IDO1: variants seen among roughly 807,000 people sequenced by gnomAD.
IDO1 encodes the protein indolamine 2,3 dioxygenase.
A neutral mutation model predicts 38.8 loss-of-function variants in IDO1; 35 were observed. That is an observed-to-expected ratio of 0.90 (90% CI 0.69 to 1.20). The LOEUF (loss-of-function observed/expected upper bound fraction) is 1.20, where lower values mean the gene tolerates loss of function less well. Ranked by LOEUF, IDO1 falls within the 50% of genes most tolerant of loss-of-function variation. The probability of loss-of-function intolerance (pLI) is 0.00; values close to 1 mark genes in which losing one functional copy is unlikely to be tolerated. For missense variants in IDO1, 509 were observed against 485.1 expected, an observed-to-expected ratio of 1.05 and a Z score of -0.46; for synonymous variants, 171 against 170.0, an observed-to-expected ratio of 1.01 and a Z score of -0.05.
At position 39,928,221 on chromosome 8, in the gene IDO1, G is replaced by C; in HGVS notation, c.*36G>C. ...CAAGAGCACATTTTATCATAGCAGA[G>C]ACATCTGTATGCATTCCTGTCATTA... On this transcript the variant is annotated 3_prime_UTR_variant, in exon 10 of 10. Coordinates refer to ENST00000518237, the MANE Select transcript of IDO1 (RefSeq NM_002164.6). 6.9e-7 allele frequency: 1 copy of C among 1,450,572 alleles called. No individual in the cohort carries two copies. Among genetic ancestry groups the C allele is most frequent in the Non-Finnish European group, 9.5e-7 (1 of 1,055,538 alleles). The allele number at this position is 1,450,572 out of a possible 1,614,324, so 89.9% of individuals were successfully genotyped here. A position where few individuals can be genotyped will look rare whatever the true frequency, so the allele number is the denominator to read the frequency against.
rs1563415292 is a variant in IDO1 at position 39,919,070 on chromosome 8, G to C, written c.422+137G>C. On this transcript the variant is annotated intron_variant, in intron 4 of 9. Transcript: ENST00000518237. Reference sequence around the variant, plus strand: ...ATGGTTCCTCTCAGTTCCTCGGCTGGGTACGGTTTCTTGGACTGCTGTGTC... The same window carrying C: ...ATGGTTCCTCTCAGTTCCTCGGCTGCGTACGGTTTCTTGGACTGCTGTGTC... 1.2e-5 allele frequency: 9 copies of C among 759,956 alleles called. No individual in the cohort carries two copies. The East Asian group carries it at 2.2e-4, about 19-fold the overall frequency. 47.1% of individuals were successfully genotyped at this position (759,956 alleles called of 1,614,324 possible). A position where few individuals can be genotyped will look rare whatever the true frequency, so the allele number is the denominator to read the frequency against.
intron 1 of IDO1, among the ~76,000 whole-genome samples, chr8:39,915,294 G>A (rs540364717): frequency 1.3e-5 from 2 of 152,240 alleles, no homozygotes; most frequent in South Asian, 2.1e-4. Flanking sequence ...CAAGGTACAT[G>A]GGATTCCAGG....
At chr8:39,922,508 T>C in intron 5 of IDO1, 44 bp from the exon 6 acceptor site, 1 of 1,230,918 alleles carries the variant, frequency 8.1e-7, no homozygotes, top group Middle Eastern at 1.9e-4. Flanking sequence ...AAATATCCCA[T>C]AATTTTTGCT....
At position 39,922,658 on chromosome 8, in the gene IDO1, C is replaced by T; in HGVS notation, c.537+7C>T. 6.4e-7 allele frequency: 1 copy of T among 1,574,666 alleles called. No individual in the cohort carries two copies. Among genetic ancestry groups the T allele is most frequent in the South Asian group, 1.1e-5 (1 of 90,316 alleles). ...AGCTGCTTCTGCAATCAAAGTACGT[C>T]TATCCTCACTTCAAAATTTATATGT... On this transcript the variant is annotated splice_region_variant and intron_variant, in intron 6 of 9. Transcript: ENST00000518237.
chr8:39,922,404 A>C (rs1807287572), intron 5 of IDO1, 148 bp from the exon 6 acceptor site: 2 of 632,240 alleles, frequency 3.2e-6, no homozygotes, highest in Non-Finnish European at 5.6e-6. Flanking sequence ...AGGAGTCTTA[A>C]TATTCCCAAC....
intron 9 of IDO1, 94 bp from the exon 10 acceptor site, chr8:39,927,736 T>C (rs1456875883): frequency 3.0e-6 from 2 of 671,682 alleles, no homozygotes; most frequent in African/African-American, 3.6e-5. Flanking sequence ...GCTATATTGG[T>C]GATCTCCTGC....
At chr8:39,920,149 A>G in intron 5 of IDO1, 35 bp downstream of exon 5, 1 of 1,561,060 alleles carries the variant, frequency 6.4e-7, no homozygotes, top group Non-Finnish European at 8.8e-7. Context: ...TCTAAGAATT[A>G]TTTGTTACTT....
At chr8:39,921,688 A>G (rs1807273746) in intron 5 of IDO1, among the ~76,000 whole-genome samples, 1 of 152,186 alleles carries the variant, frequency 6.6e-6, no homozygotes, top group Non-Finnish European at 1.5e-5. Flanking sequence ...GAATTTAACC[A>G]CCACAAAACT....
chr8:39,918,325 A>T, intron 3 of IDO1, 118 bp downstream of exon 3: 1 of 934,318 alleles, frequency 1.1e-6, no homozygotes, highest in Non-Finnish European at 1.6e-6. Flanking sequence ...TTTAGATAAC[A>T]CGACAAAATG....
At chr8:39,925,195 T>C in intron 8 of IDO1, 28 bp from the exon 9 acceptor site, 1 of 1,553,312 alleles carries the variant, frequency 6.4e-7, no homozygotes, top group African/African-American at 1.4e-5. Context: ...AGAATGATTT[T>C]TCTTTTTTTC....
At chr8:39,915,301 C>T (rs1807158481) in intron 1 of IDO1, among the ~76,000 whole-genome samples, 1 of 152,010 alleles carries the variant, frequency 6.6e-6, no homozygotes, top group South Asian at 2.1e-4. Flanking sequence ...CATGGGATTC[C>T]AGGAGAAGAT....
rs1346541596 is a variant in IDO1 at position 39,920,055 on chromosome 8, TTCTC to T, written c.423-41_423-38del. 9 of 1,586,776 alleles carry T rather than the reference TTCTC, an allele frequency of 5.7e-6. No homozygotes were observed. In the African/African-American group the frequency reaches 1.2e-4, roughly 21 times the overall value. ...TTATTTGATGTTAAATTGGTTTTCTTTCTCTCTTCCAATTGGTCCATTGCTTCAT... is the reference window on the plus strand; with the variant it reads ...TTATTTGATGTTAAATTGGTTTTCTTTCTTCCAATTGGTCCATTGCTTCAT... On this transcript the variant is annotated intron_variant, in intron 4 of 9. Transcript: ENST00000518237.
chr8:39,927,823 C>T lies in IDO1; in HGVS notation c.857-7C>T, dbSNP rs764325392. ...CTCCGTATTTCCTCTTTCTCTTTTTCCTATAGGACATGCTGCTCAGTTCCT... is the reference window on the plus strand; with the variant it reads ...CTCCGTATTTCCTCTTTCTCTTTTTTCTATAGGACATGCTGCTCAGTTCCT... On this transcript the variant is annotated splice_region_variant and splice_polypyrimidine_tract_variant and intron_variant, in intron 9 of 9. Transcript: ENST00000518237. 24 of 1,491,466 alleles carry T rather than the reference C, an allele frequency of 1.6e-5. No individual in the cohort carries two copies. The highest frequency in any genetic ancestry group is 2.0e-5 in the Non-Finnish European group (22 of 1,119,308). The allele number at this position is 1,491,466 out of a possible 1,614,324, so 92.4% of individuals were successfully genotyped here.
intron 6 of IDO1, among the ~76,000 whole-genome samples, chr8:39,923,229 C>A (rs1418658695): frequency 6.6e-6 from 1 of 151,990 alleles, no homozygotes; most frequent in Non-Finnish European, 1.5e-5. Context: ...CATGGCGAAA[C>A]CCCGTCTCTA....
intron 1 of IDO1, among the ~76,000 whole-genome samples, chr8:39,915,407 C>G (rs1425028709): frequency 6.6e-6 from 1 of 152,190 alleles, no homozygotes; most frequent in Non-Finnish European, 1.5e-5. Flanking sequence ...CCTTTAAACA[C>G]AGCAAATGTT....
chr8:39,916,849 A>T (rs1807181561), intron 1 of IDO1, among the ~76,000 whole-genome samples: 1 of 152,252 alleles, frequency 6.6e-6, no homozygotes, highest in Non-Finnish European at 1.5e-5. Flanking sequence ...TAAAATGATC[A>T]TCATTGTGCA....
At chr8:39,914,067 C>G in intron 1 of IDO1, 58 bp downstream of exon 1, 1 of 1,224,834 alleles carries the variant, frequency 8.2e-7, no homozygotes, top group South Asian at 1.3e-5. Context: ...CCTTACCTGG[C>G]CAAGTTAACT....
chr8:39,924,749 T>C lies in IDO1; in HGVS notation c.684T>C (p.Ser228=). Reference sequence around the variant, plus strand: ...ATGTGAACCCAAAAGCATTTTTCAGTGTTCTTCGCATATATTTGTCTGGGT... The same window carrying C: ...ATGTGAACCCAAAAGCATTTTTCAGCGTTCTTCGCATATATTTGTCTGGGT... The part of the protein sequence containing the change: ...HDHVNPKAFF[S]VLRIYLSGWK... The change falls in exon 8 of 10, where the codon AGT becomes AGC. Residue 228 remains serine, a synonymous_variant. Transcript: ENST00000518237. The C allele has an allele frequency of 1.2e-6, 2 of 1,610,738 alleles. No homozygotes were observed. The highest frequency in any genetic ancestry group is 1.7e-6 in the Non-Finnish European group (2 of 1,177,388).
In IDO1 at chr8:39,928,055, A is replaced by G. The variant is rs1807395124; in HGVS notation, c.1082A>G (p.Gln361Arg). The change falls in exon 10 of 10, where the codon CAG becomes CGG. Residue 361 changes from glutamine (Q) to arginine (R), a missense_variant. Gln to Arg is a conservative substitution (Grantham distance 43). Coordinates refer to ENST00000518237, the MANE Select transcript of IDO1 (RefSeq NM_002164.6). ...TACATCCTGATTCCTGCAAGCCAGCAGCCAAAGGAGAATAAGACCTCTGAA... is the reference window on the plus strand; with the variant it reads ...TACATCCTGATTCCTGCAAGCCAGCGGCCAAAGGAGAATAAGACCTCTGAA... ...TKYILIPASQQPKENKTSEDP... is the reference protein window; with the variant it reads ...TKYILIPASQRPKENKTSEDP... 6.2e-7 allele frequency: 1 copy of G among 1,611,286 alleles called. No homozygotes were observed. Among genetic ancestry groups the G allele is most frequent in the East Asian group, 2.2e-5 (1 of 44,864 alleles).
Sources: gnomAD v4.1 joint callset for allele counts (sites outside exome capture counted in the v4.1 genomes callset) on GRCh38, gnomAD v4.1.1 for gene constraint, MANE v1.5 for transcripts, NCBI Gene and HGNC (gene_info 2026-07-23, HGNC 2026-07-21) for gene names.